Variants in GRM7 observed in about 807,000 individuals in gnomAD.
GRM7 encodes the protein metabotropic glutamate receptor 7.
In GRM7, 35 loss-of-function variants were observed where a neutral mutation model predicts 84.5. The ratio of observed to expected loss-of-function variants is 0.41; its 90% CI spans 0.32 to 0.55. GRM7 has a LOEUF of 0.55. Ranked by LOEUF, GRM7 falls within the 20% of genes least tolerant of loss-of-function variation. The pLI is 0.19. For missense variants in GRM7, 1,003 were observed against 1,194.6 expected, an observed-to-expected ratio of 0.84 and a Z score of 2.36; for synonymous variants, 487 against 455.1, an observed-to-expected ratio of 1.07 and a Z score of -0.89.
In GRM7 at chr3:7,446,922, T is replaced by TC. The variant is rs1286186243; in HGVS notation, c.1175-5681dup. 7.2e-5 allele frequency among the ~76,000 whole-genome samples: 11 copies of TC among 152,318 alleles called. No individual in the cohort carries two copies. The South Asian group carries it at 2.3e-3, about 32-fold the overall frequency. On this transcript the variant is annotated intron_variant, in intron 5 of 9. Transcript: ENST00000357716. ...AACAGGTCTTTCAAAGAAAAGATCTTCCCCATAGCATGACCATTAGAAATT... is the reference window on the plus strand; with the variant it reads ...AACAGGTCTTTCAAAGAAAAGATCTTCCCCCATAGCATGACCATTAGAAATT...
At chr3:7,254,961 C>T (rs151020906) in intron 2 of GRM7, among the ~76,000 whole-genome samples, 2 of 152,120 alleles carry the variant, frequency 1.3e-5, no homozygotes, top group East Asian at 1.9e-4. Context: ...AGATAATTAA[C>T]ATATATAAGA....
rs149115474 is a variant in GRM7 at position 7,053,549 on chromosome 3, A to G, written c.520-92903A>G. The stretch of plus-strand genomic sequence containing the variant: ...TCTATAATTCACTTTGTCAATTTTT[A>G]TGTATGTTGTACAGTGAGAGCTGAA... On this transcript the variant is annotated intron_variant, in intron 1 of 9. Transcript: ENST00000357716. 7.9e-3 allele frequency among the ~76,000 whole-genome samples: 1,200 copies of G among 151,744 alleles called. 14 individuals are homozygous for G. The highest frequency in any genetic ancestry group is 0.012 in the Non-Finnish European group (796 of 67,720).
Position 7,718,003 on chromosome 3 carries a change from A to G in GRM7, c.2699-22354A>G, listed in dbSNP as rs79431056. ...TTCCAAGATGATGCGGACTAGCAAG[A>G]GTGACATCGCCTATTAAAAGAAGAG... On this transcript the variant is annotated intron_variant, in intron 9 of 9. Transcript: ENST00000357716. 6.2e-4 allele frequency among the ~76,000 whole-genome samples: 95 copies of G among 152,140 alleles called. 1 individual carries two copies. In the East Asian group the frequency reaches 0.017, roughly 27 times the overall value.
chr3:7,117,476 C>T (rs1443171964), intron 1 of GRM7, among the ~76,000 whole-genome samples: 2 of 152,130 alleles, frequency 1.3e-5, no homozygotes, highest in East Asian at 3.9e-4. Context: ...TCATCTTTTC[C>T]TTGTAGAACG....
At chr3:7,611,569 G>C (rs79775409) in intron 8 of GRM7, among the ~76,000 whole-genome samples, 92 of 152,308 alleles carry the variant, frequency 6.0e-4, no homozygotes, top group African/African-American at 2.1e-3. Context: ...TACTGGAGCT[G>C]AAATGGACCT....
intron 1 of GRM7, chr3:6,884,394 A>C (rs1695617801): frequency 6.6e-6 from 1 of 152,542 alleles, no homozygotes; most frequent in Non-Finnish European, 1.5e-5. Flanking sequence ...AAAATATTGT[A>C]CACACTAGTG....
At chr3:7,325,736 T>C (rs1267504928) in intron 4 of GRM7, among the ~76,000 whole-genome samples, 1 of 152,206 alleles carries the variant, frequency 6.6e-6, no homozygotes, top group Non-Finnish European at 1.5e-5. Context: ...TATGCATCTC[T>C]ATATATTGAG....
chr3:7,186,381 T>G lies in GRM7; in HGVS notation c.736+39713T>G, dbSNP rs546763035. Among the ~76,000 whole-genome samples the G allele has an allele frequency of 2.0e-4, 31 of 152,298 alleles. No homozygotes were observed. In the South Asian group the frequency reaches 5.0e-3, roughly 24 times the overall value. On this transcript the variant is annotated intron_variant, in intron 2 of 9. Coordinates refer to ENST00000357716, the MANE Select transcript of GRM7 (RefSeq NM_000844.4). ...TAAAGTTATTTGTTCATACAGTGGA[T>G]TAAAAAATGTTACAAATAAACATTT...
intron 1 of GRM7, among the ~76,000 whole-genome samples, chr3:6,955,766 C>G (rs1693019172): frequency 6.7e-6 from 1 of 149,868 alleles, no homozygotes; most frequent in Admixed American, 6.7e-5. Flanking sequence ...CACATGAACC[C>G]TTAAGGCAGA....
chr3:7,304,248 A>C (rs760749571), intron 3 of GRM7, among the ~76,000 whole-genome samples: 13 of 150,100 alleles, frequency 8.7e-5, no homozygotes, highest in Non-Finnish European at 1.9e-4. Flanking sequence ...TTAAATGTTA[A>C]AATTTTAAAG....
At chr3:7,204,762 G>C (rs962009382) in intron 2 of GRM7, among the ~76,000 whole-genome samples, 1 of 152,184 alleles carries the variant, frequency 6.6e-6, no homozygotes, top group African/African-American at 2.4e-5. Context: ...GGAAAATACC[G>C]GATCCAGTAC....
intron 4 of GRM7, among the ~76,000 whole-genome samples, chr3:7,372,662 A>G (rs577337444): frequency 6.6e-6 from 1 of 152,254 alleles, no homozygotes; most frequent in African/African-American, 2.4e-5. Context: ...AGAATTTTGT[A>G]CTTTAGCACC....
chr3:7,671,781 G>A (rs1699928162), intron 8 of GRM7, among the ~76,000 whole-genome samples: 1 of 151,804 alleles, frequency 6.6e-6, no homozygotes, highest in South Asian at 2.1e-4. Flanking sequence ...TGCAATTTCT[G>A]GCACCAGTAT....
chr3:7,525,115 A>T (rs1276056779), intron 7 of GRM7, among the ~76,000 whole-genome samples: 103 of 134,554 alleles, frequency 7.7e-4, no homozygotes, highest in East Asian at 3.7e-3. Flanking sequence ...GGGACTGTTG[A>T]GGGGTGGGGG....
At chr3:7,432,720 C>A (rs1006193818) in intron 5 of GRM7, among the ~76,000 whole-genome samples, 2 of 151,866 alleles carry the variant, frequency 1.3e-5, no homozygotes, top group African/African-American at 2.4e-5. Flanking sequence ...CCAATGTGTT[C>A]TATCAAACGA....
intron 1 of GRM7, among the ~76,000 whole-genome samples, chr3:7,044,443 A>G (rs1490473958): frequency 6.6e-6 from 1 of 152,202 alleles, no homozygotes; most frequent in Non-Finnish European, 1.5e-5. Context: ...TATCATTGAG[A>G]TAATTTTTAC....
intron 4 of GRM7, among the ~76,000 whole-genome samples, chr3:7,326,507 T>A (rs1243252654): frequency 6.6e-6 from 1 of 152,054 alleles, no homozygotes; most frequent in African/African-American, 2.4e-5. Context: ...ACCCTACGTA[T>A]CAAGAGAAAG....
chr3:7,103,754 CTTT>C (rs1699190274), intron 1 of GRM7, among the ~76,000 whole-genome samples: 1 of 13,718 alleles, frequency 7.3e-5, no homozygotes, highest in Non-Finnish European at 1.4e-4. Flanking sequence ...CTCTCCCTTT[CTTT>C]CTTTCTTTCT....
intron 4 of GRM7, among the ~76,000 whole-genome samples, chr3:7,391,766 A>C (rs1695006081): frequency 3.0e-5 from 4 of 131,578 alleles, no homozygotes; most frequent in South Asian, 4.4e-4. Context: ...TGTGCATGGA[A>C]AAAAAACAAG....
Sources: gnomAD v4.1 joint callset for allele counts (sites outside exome capture counted in the v4.1 genomes callset) on GRCh38, gnomAD v4.1.1 for gene constraint, MANE v1.5 for transcripts, NCBI Gene and HGNC (gene_info 2026-07-23, HGNC 2026-07-21) for gene names.